Variants in KCNK9 observed in about 807,000 individuals in gnomAD.
KCNK9 encodes potassium channel subfamily K member 9.
A neutral mutation model predicts 10.8 loss-of-function variants in KCNK9; 1 was observed. The ratio of observed to expected loss-of-function variants is 0.09; its 90% CI spans 0.03 to 0.44. KCNK9 has a LOEUF of 0.44. Ranked by LOEUF, KCNK9 falls within the 20% of genes least tolerant of loss-of-function variation. The pLI is 0.97. For missense variants in KCNK9, 303 were observed against 515.0 expected, an observed-to-expected ratio of 0.59 and a Z score of 3.98; for synonymous variants, 231 against 222.7, an observed-to-expected ratio of 1.04 and a Z score of -0.33.
intron 1 of KCNK9, among the ~76,000 whole-genome samples, chr8:139,652,894 C>T (rs1034332289): frequency 2.0e-5 from 3 of 152,208 alleles, no homozygotes; most frequent in African/African-American, 7.2e-5. Context: ...ATGGTCTCAG[C>T]TTCCTACAAG....
downstream of KCNK9, among the ~76,000 whole-genome samples, chr8:139,608,746 G>A (rs1028721898): frequency 1.3e-5 from 2 of 152,196 alleles, no homozygotes; most frequent in African/African-American, 4.8e-5. Context: ...CCCCATTACT[G>A]CTGGTCTCAG....
At chr8:139,626,960 C>T (rs181585323) in intron 1 of KCNK9, among the ~76,000 whole-genome samples, 157 of 152,276 alleles carry the variant, frequency 1.0e-3, no homozygotes, top group African/African-American at 3.3e-3. Flanking sequence ...GCTTCGGCCC[C>T]GCTCAGGCCC....
At chr8:139,634,931 C>T (rs1304252720) in intron 1 of KCNK9, among the ~76,000 whole-genome samples, 3 of 152,072 alleles carry the variant, frequency 2.0e-5, no homozygotes, top group African/African-American at 7.2e-5. Context: ...GGGTGATGAG[C>T]GGGCGGGGGC....
At chr8:139,649,748 G>A (rs548190537) in intron 1 of KCNK9, among the ~76,000 whole-genome samples, 264 of 152,264 alleles carry the variant, frequency 1.7e-3, no homozygotes, top group South Asian at 3.5e-3. Context: ...ACCCTGGGGG[G>A]AAAAAAATTG....
chr8:139,693,747 G>A lies in KCNK9; in HGVS notation c.283+8963C>T, dbSNP rs1816986497. Among the ~76,000 whole-genome samples the A allele has an allele frequency of 6.6e-6, 1 of 152,180 alleles. No homozygotes were observed. Among genetic ancestry groups the A allele is most frequent in the South Asian group, 2.1e-4 (1 of 4,810 alleles). ...TGGGAACAGGGCCTGAGCGGGGCTG[G>A]AGGATGAAAAGGGCTGCAAGCTGAG... On this transcript the variant is annotated intron_variant, in intron 1 of 1. Coordinates refer to ENST00000520439, the MANE Select transcript of KCNK9 (RefSeq NM_001282534.2). This position sits in a 1 kb window ranked among gnomAD's most constrained non-coding sequence, Gnocchi z 4.1.
intron 1 of KCNK9, among the ~76,000 whole-genome samples, chr8:139,652,548 T>C (rs1353537456): frequency 6.6e-6 from 1 of 152,094 alleles, no homozygotes; most frequent in Non-Finnish European, 1.5e-5. Context: ...CTTCCACCCA[T>C]GCTCTGGGGG....
intron 1 of KCNK9, among the ~76,000 whole-genome samples, chr8:139,634,912 G>T (rs960117726): frequency 5.9e-5 from 9 of 152,122 alleles, no homozygotes; most frequent in Non-Finnish European, 8.8e-5. Flanking sequence ...CATCTGAAGG[G>T]TGTTGCCTGG....
chr8:139,610,685 C>T (rs1293985445), downstream of KCNK9, among the ~76,000 whole-genome samples: 1 of 152,238 alleles, frequency 6.6e-6, no homozygotes. Flanking sequence ...CCAGGAGGGA[C>T]ATCTAGATGG....
chr8:139,698,375 C>T (rs1817118577), intron 1 of KCNK9, among the ~76,000 whole-genome samples: 1 of 152,114 alleles, frequency 6.6e-6, no homozygotes, highest in African/African-American at 2.4e-5. Context: ...AAAACACACA[C>T]AGGTAGGGCC....
At chr8:139,680,083 C>T (rs867229158) in intron 1 of KCNK9, among the ~76,000 whole-genome samples, 1 of 152,184 alleles carries the variant, frequency 6.6e-6, no homozygotes. Flanking sequence ...CTGCTCCCAC[C>T]TCATACCTAC....
chr8:139,613,560 G>T (rs1814494517), downstream of KCNK9, among the ~76,000 whole-genome samples: 2 of 152,280 alleles, frequency 1.3e-5, no homozygotes, highest in Non-Finnish European at 2.9e-5. Flanking sequence ...GGTGGCTCAA[G>T]CTTCAAGTGT....
At chr8:139,627,653 T>C (rs1235653006) in intron 1 of KCNK9, among the ~76,000 whole-genome samples, 1 of 152,274 alleles carries the variant, frequency 6.6e-6, no homozygotes, top group Non-Finnish European at 1.5e-5. Context: ...GTAAATATGT[T>C]GGCTTTAGCC....
chr8:139,681,854 C>T (rs1018096737), intron 1 of KCNK9, among the ~76,000 whole-genome samples: 25 of 152,200 alleles, frequency 1.6e-4, no homozygotes, highest in Admixed American at 1.2e-3. Flanking sequence ...GCATCTTATG[C>T]GGCCTGGACA....
chr8:139,701,613 C>A (rs1225439087), intron 1 of KCNK9, among the ~76,000 whole-genome samples: 5 of 152,096 alleles, frequency 3.3e-5, no homozygotes, highest in African/African-American at 1.2e-4. Flanking sequence ...AAACAGACCA[C>A]CCCCACTAAC....
At chr8:139,656,225 C>T (rs1454646721) in intron 1 of KCNK9, among the ~76,000 whole-genome samples, 1 of 152,186 alleles carries the variant, frequency 6.6e-6, no homozygotes, top group Non-Finnish European at 1.5e-5. Flanking sequence ...CTGCAAGCAG[C>T]TTGGTCTTCA....
chr8:139,655,162 G>T (rs1462971087), intron 1 of KCNK9, among the ~76,000 whole-genome samples: 3 of 152,084 alleles, frequency 2.0e-5, no homozygotes, highest in African/African-American at 7.2e-5. Context: ...TGACAGTGAC[G>T]AGGGAATGGG....
chr8:139,604,244 A>G (rs1353414173), intron 2 of KCNK9, among the ~76,000 whole-genome samples: 1 of 152,210 alleles, frequency 6.6e-6, no homozygotes, highest in Non-Finnish European at 1.5e-5. Context: ...GAATGAATAA[A>G]GCAAGTGAAA....
intron 1 of KCNK9, among the ~76,000 whole-genome samples, chr8:139,659,673 A>T (rs1048691952): frequency 5.1e-5 from 7 of 137,588 alleles, no homozygotes; most frequent in African/African-American, 1.7e-4. Flanking sequence ...CACCATGCCC[A>T]GCTAATTTTT....
At chr8:139,645,347 C>T (rs780007806) in intron 1 of KCNK9, among the ~76,000 whole-genome samples, 8 of 152,154 alleles carry the variant, frequency 5.3e-5, no homozygotes, top group African/African-American at 1.2e-4. Context: ...CAGTTCTAGA[C>T]GGCAGAGGCT....
Sources: gnomAD v4.1 joint callset for allele counts (sites outside exome capture counted in the v4.1 genomes callset) on GRCh38, gnomAD v4.1.1 for gene constraint, Gnocchi (gnomAD v3.1) non-coding constraint, MANE v1.5 for transcripts, NCBI Gene and HGNC (gene_info 2026-07-23, HGNC 2026-07-21) for gene names.